PKP3: variants seen among roughly 807,000 people sequenced by gnomAD.
PKP3 encodes the protein plakophilin-3.
A neutral mutation model predicts 76.5 loss-of-function variants in PKP3; 66 were observed. That is an observed-to-expected ratio of 0.86 (90% CI 0.71 to 1.06). The LOEUF is 1.06. Ranked by LOEUF, PKP3 falls within the 50% of genes least tolerant of loss-of-function variation. PKP3 has a pLI of 0.00. For missense variants in PKP3, 1,338 were observed against 1,141.0 expected (o/e 1.17, Z -2.49); for synonymous variants, 638 against 516.5 (o/e 1.24, Z -3.19).
chr11:393,249 C>A (rs1376477076), upstream of PKP3, among the ~76,000 whole-genome samples: 5 of 151,876 alleles, frequency 3.3e-5, no homozygotes, highest in Non-Finnish European at 5.9e-5. Context: ...TACCCCACCC[C>A]CACCAGGGGC....
rs950509506 is a variant in PKP3 at position 400,538 on chromosome 11, G to A, written c.1570G>A (p.Val524Met). ...LDAGKCEDKS[V>M]ENAVCVLRNL... ...TGCCCCGCGCCCCCGCCCGCAGAGCGTGGAGAACGCGGTGTGCGTCCTGCG... is the reference window on the plus strand; with the variant it reads ...TGCCCCGCGCCCCCGCCCGCAGAGCATGGAGAACGCGGTGTGCGTCCTGCG... Residue 524 changes from valine (V) to methionine (M), a missense_variant, in exon 8 of 13, where the codon GTG becomes ATG. By Grantham distance (21) the Val-to-Met change is conservative. Coordinates refer to ENST00000331563, the MANE Select transcript of PKP3 (RefSeq NM_007183.4). The A allele has an allele frequency of 1.3e-6, 2 of 1,492,504 alleles. No homozygotes were observed. The highest frequency in any genetic ancestry group is 2.3e-4 in the Middle Eastern group (1 of 4,366). 92.5% of individuals were successfully genotyped at this position (1,492,504 alleles called of 1,614,324 possible).
intron 4 of PKP3, among the ~76,000 whole-genome samples, chr11:398,370 G>C (rs1410508230): frequency 5.2e-4 from 2 of 3,872 alleles, no homozygotes; most frequent in Non-Finnish European, 7.8e-4. Context: ...GCACACACCT[G>C]CGTCACCTCC....
In PKP3 at chr11:404,403, A is replaced by C. The variant is rs760548326; in HGVS notation, c.2358+80A>C. ...CGGGGGAGGGTCAGTGAAGAGGCCC[A>C]TGGGAGGATGGAGACCAGGGACCCA... On this transcript the variant is annotated intron_variant, in intron 12 of 12. Transcript: ENST00000331563. The surrounding 1 kb of genome is among the most constrained non-coding windows in gnomAD (Gnocchi z 4.2). The C allele has an allele frequency of 1.0e-4, 150 of 1,465,522 alleles. No homozygotes were observed. The highest frequency in any genetic ancestry group is 5.2e-4 in the Middle Eastern group (3 of 5,796). The allele number at this position is 1,465,522 out of a possible 1,614,324, so 90.8% of individuals were successfully genotyped here.
chr11:397,825 A>G (rs1847075416), intron 4 of PKP3, 163 bp downstream of exon 4: 3 of 675,508 alleles, frequency 4.4e-6, no homozygotes, highest in Non-Finnish European at 7.4e-6. Flanking sequence ...GAGCAGAAGG[A>G]TACAATTTGG....
Position 403,696 on chromosome 11 carries a change from G to C in PKP3, c.2002G>C (p.Asp668His). Residue 668 changes from aspartate (D) to histidine (H), a missense_variant, in exon 10 of 13, where the codon GAC (aspartate) becomes CAC (histidine). By Grantham distance (81) the Asp-to-His change is moderately conservative. Transcript: ENST00000331563. ...CCTGCTAGACCGTGTCAGGACCGCC[G>C]ACCACCACCAGCTGCGCTCACTGAC... ...NPLLDRVRTA[D>H]HHQLRSLTGL... The C allele has an allele frequency of 1.9e-6, 3 of 1,610,356 alleles. No homozygotes were observed. The highest frequency in any genetic ancestry group is 1.7e-6 in the Non-Finnish European group (2 of 1,179,802).
Position 404,585 on chromosome 11 carries a change from G to C in PKP3, c.*16G>C, listed in dbSNP as rs375435992. Reference sequence around the variant, plus strand: ...GGGCCCATAGGTGAAGCCTTCTGGAGGAGAAGGTGACGTGGCCCAGCGTCC... The same window carrying C: ...GGGCCCATAGGTGAAGCCTTCTGGACGAGAAGGTGACGTGGCCCAGCGTCC... On this transcript the variant is annotated 3_prime_UTR_variant, in exon 13 of 13. Coordinates refer to ENST00000331563, the MANE Select transcript of PKP3 (RefSeq NM_007183.4). This position sits in a 1 kb window ranked among gnomAD's most constrained non-coding sequence, Gnocchi z 4.2. 9 of 1,611,410 alleles carry C rather than the reference G, an allele frequency of 5.6e-6. No homozygotes were observed. The highest frequency in any genetic ancestry group is 6.8e-6 in the Non-Finnish European group (8 of 1,178,906).
chr11:397,964 C>T (rs1189579152), intron 4 of PKP3, among the ~76,000 whole-genome samples: 3 of 117,438 alleles, frequency 2.6e-5, no homozygotes, highest in Non-Finnish European at 3.5e-5. Flanking sequence ...CCCGCACACA[C>T]CTCCGTCACC....
chr11:394,138 A>G, upstream of PKP3: 1 of 1,211,042 alleles, frequency 8.3e-7, no homozygotes, highest in Non-Finnish European at 1.1e-6. Context: ...CCCCGCCCCC[A>G]GCTGCGCTCA....
In PKP3 at chr11:396,945, C is replaced by T. The variant is rs576402184; in HGVS notation, c.444C>T (p.Tyr148=). 928 of 1,596,260 alleles carry T rather than the reference C, an allele frequency of 5.8e-4. 22 individuals are homozygous for T. In the South Asian group the frequency reaches 9.6e-3, roughly 16 times the overall value. ...GCAGCGCCTTTGGGGCCGCTGGGTA[C>T]GGGGGTGCCCAGCCCACCCCTCCCA... ...NGGSAFGAAG[Y]GGAQPTPPMP... The change falls in exon 3 of 13, where the codon TAC becomes TAT. Residue 148 remains tyrosine, a synonymous_variant. Transcript: ENST00000331563.
chr11:392,605 GC>G (rs767517536), upstream of PKP3: 93 of 1,269,180 alleles, frequency 7.3e-5, no homozygotes, highest in Non-Finnish European at 1.6e-5. Context: ...CGCAGAGGCT[GC>G]CCCGCACGCG....
intron 6 of PKP3, 29 bp downstream of exon 6, chr11:400,170 G>C: frequency 6.6e-7 from 1 of 1,506,014 alleles, no homozygotes; most frequent in Non-Finnish European, 8.9e-7. Flanking sequence ...GCGGGGTGGG[G>C]ATTGCAGGCG....
chr11:404,339 C>T lies in PKP3; in HGVS notation c.2358+16C>T, dbSNP rs1356194395. On this transcript the variant is annotated intron_variant, in intron 12 of 12. Transcript: ENST00000331563. The surrounding 1 kb of genome is among the most constrained non-coding windows in gnomAD (Gnocchi z 4.2). ...CTTCCGGGCGGTACGTTTCCCGAGC[C>T]CAGGGCAAGCAGGGACCCGGGTGCA... is the stretch of plus-strand genomic sequence containing the variant. 1 of 1,606,744 alleles carries T rather than the reference C, an allele frequency of 6.2e-7. No individual in the cohort carries two copies. Among genetic ancestry groups the T allele is most frequent in the African/African-American group, 1.3e-5 (1 of 74,784 alleles).
rs764290617 is a variant in PKP3 at position 399,089 on chromosome 11, T to C, written c.1166T>C (p.Ile389Thr). ...GCCACAGGTGCCATGCGCAACCTCA[T>C]CTACGACAACGCTGACAACAAGCTG... is the stretch of plus-strand genomic sequence containing the variant. Reference protein sequence around the residue: ...RHATGAMRNLIYDNADNKLAL... With the variant: ...RHATGAMRNLTYDNADNKLAL... The change falls in exon 5 of 13, where the codon ATC (isoleucine) becomes ACC (threonine). Residue 389 changes from isoleucine to threonine, a missense_variant. By Grantham distance (89) the Ile-to-Thr change is moderately conservative. Coordinates refer to ENST00000331563, the MANE Select transcript of PKP3 (RefSeq NM_007183.4). The C allele has an allele frequency of 1.2e-6, 2 of 1,611,882 alleles. No individual in the cohort carries two copies. The highest frequency in any genetic ancestry group is 1.7e-6 in the Non-Finnish European group (2 of 1,179,408).
chr11:396,555 G>A, intron 1 of PKP3, 53 bp from the exon 2 acceptor site: 1 of 1,269,880 alleles, frequency 7.9e-7, no homozygotes, highest in South Asian at 1.3e-5. Flanking sequence ...GGAGGCAGGA[G>A]GCCAGTGCTT....
At position 403,092 on chromosome 11, in the gene PKP3, C is replaced by G. The variant is rs752048268; in HGVS notation, c.1752C>G (p.Ala584=). Residue 584 remains alanine, a synonymous_variant, in exon 9 of 13, where the codon GCC becomes GCG. Transcript: ENST00000331563. ...GCCCTGCGCAGCTGCCCCTCGCCGC[C>G]GATGCGCTCACCTTCGCGGAGGTGT... ...SRRLRELPLA[A]DALTFAEVSK... 6.0e-6 allele frequency: 9 copies of G among 1,508,248 alleles called. No individual in the cohort carries two copies. The highest frequency in any genetic ancestry group is 1.5e-5 in the African/African-American group (1 of 64,542). The allele number at this position is 1,508,248 out of a possible 1,614,324, so 93.4% of individuals were successfully genotyped here.
At position 404,416 on chromosome 11, in the gene PKP3, G is replaced by C. The variant is rs1226980861; in HGVS notation, c.2358+93G>C. The C allele has an allele frequency of 1.4e-6, 2 of 1,468,056 alleles. No homozygotes were observed. Among genetic ancestry groups the C allele is most frequent in the Non-Finnish European group, 1.9e-6 (2 of 1,048,686 alleles). 90.9% of individuals were successfully genotyped at this position (1,468,056 alleles called of 1,614,324 possible). ...GTGAAGAGGCCCATGGGAGGATGGA[G>C]ACCAGGGACCCAGAGAGGAAGGGTC... is the stretch of plus-strand genomic sequence containing the variant. On this transcript the variant is annotated intron_variant, in intron 12 of 12. Transcript: ENST00000331563. The surrounding 1 kb of genome is among the most constrained non-coding windows in gnomAD (Gnocchi z 4.2).
Position 403,654 on chromosome 11 carries a change from G to A in PKP3, c.1960G>A (p.Glu654Lys), listed in dbSNP as rs770865208. 2 of 1,609,354 alleles carry A rather than the reference G, an allele frequency of 1.2e-6. No individual in the cohort carries two copies. Among genetic ancestry groups the A allele is most frequent in the Admixed American group, 3.3e-5 (2 of 60,008 alleles). ...GCTGAGCCGCCTGGCCCTGGAGCAG[G>A]AGCGTATTCTGAACCCCCTGCTAGA... Reference protein sequence around the residue: ...GVLSRLALEQERILNPLLDRV... With the variant: ...GVLSRLALEQKRILNPLLDRV... The change falls in exon 10 of 13, where the codon GAG becomes AAG. Residue 654 changes from glutamate (E) to lysine (K), a missense_variant. Physicochemically the swap from Glu to Lys is moderately conservative, Grantham distance 56. Transcript: ENST00000331563.
At chr11:393,264 C>A (rs1370644064), upstream of PKP3, among the ~76,000 whole-genome samples, 1 of 151,946 alleles carries the variant, frequency 6.6e-6, no homozygotes. Context: ...AGGGGCCCCC[C>A]ACCCTCGCTC....
chr11:400,155 G>C lies in PKP3; in HGVS notation c.1448+14G>C, dbSNP rs772699681. The C allele has an allele frequency of 5.9e-6, 9 of 1,528,432 alleles. No individual in the cohort carries two copies. Among genetic ancestry groups the C allele is most frequent in the South Asian group, 1.3e-5 (1 of 79,318 alleles). The allele number at this position is 1,528,432 out of a possible 1,614,324, so 94.7% of individuals were successfully genotyped here. A position where few individuals can be genotyped will look rare whatever the true frequency, so the allele number is the denominator to read the frequency against. On this transcript the variant is annotated intron_variant, in intron 6 of 12. Transcript: ENST00000331563. ...CGGCTTCCTCAGGTGCGCCAGCCTC[G>C]GGCAGCGGGGTGGGGATTGCAGGCG... is the stretch of plus-strand genomic sequence containing the variant.
Sources: gnomAD v4.1 joint callset for allele counts (sites outside exome capture counted in the v4.1 genomes callset) on GRCh38, gnomAD v4.1.1 for gene constraint, Gnocchi (gnomAD v3.1) non-coding constraint, MANE v1.5 for transcripts, NCBI Gene and HGNC (gene_info 2026-07-23, HGNC 2026-07-21) for gene names.